The following TBC1D22A variants were observed in gnomAD, a reference collection of about 807,000 sequenced individuals.
TBC1D22A encodes TBC1 domain family member 22A.
A neutral mutation model predicts 60.2 loss-of-function variants in TBC1D22A; 38 were observed. That is an observed-to-expected ratio of 0.63 (90% CI 0.49 to 0.83). The LOEUF (loss-of-function observed/expected upper bound fraction) is 0.83, where lower values mean the gene tolerates loss of function less well. Among genes scored for constraint, TBC1D22A ranks in the 40% least tolerant of loss-of-function variants. TBC1D22A has a pLI of 0.00. For synonymous variants in TBC1D22A, 302 were observed against 281.7 expected (o/e 1.07, Z -0.72); for missense variants, 628 against 701.0 (o/e 0.90, Z 1.18).
At chr22:47,097,528 T>C (rs1335029310) in intron 11 of TBC1D22A, among the ~76,000 whole-genome samples, 1 of 151,998 alleles carries the variant, frequency 6.6e-6, no homozygotes, top group Non-Finnish European at 1.5e-5. Flanking sequence ...ACAGAATTGC[T>C]TGAACTTGGG....
At chr22:47,008,248 G>A (rs948650866) in intron 10 of TBC1D22A, among the ~76,000 whole-genome samples, 2 of 152,226 alleles carry the variant, frequency 1.3e-5, no homozygotes, top group African/African-American at 4.8e-5. Flanking sequence ...TGTTTGTTAT[G>A]TTTGTTCTGT....
chr22:46,954,820 C>T (rs1290810033), intron 8 of TBC1D22A, among the ~76,000 whole-genome samples: 1 of 152,106 alleles, frequency 6.6e-6, no homozygotes, highest in Non-Finnish European at 1.5e-5. Context: ...CAAAATGTTA[C>T]AGGCAAGTGA....
At chr22:46,782,779 C>T (rs182503375) in intron 1 of TBC1D22A, among the ~76,000 whole-genome samples, 20 of 152,302 alleles carry the variant, frequency 1.3e-4, no homozygotes, top group Admixed American at 8.5e-4. Flanking sequence ...TCAGGATTCA[C>T]CCATGCTGTG....
intron 11 of TBC1D22A, among the ~76,000 whole-genome samples, chr22:47,080,976 TGGGCGTGATG>T (rs2064441101): frequency 6.6e-6 from 1 of 151,870 alleles, no homozygotes. Context: ...CAATATTAGC[TGGGCGTGATG>T]GCGCATGCCT....
At chr22:46,947,856 G>A (rs1001166697) in intron 8 of TBC1D22A, among the ~76,000 whole-genome samples, 2 of 152,186 alleles carry the variant, frequency 1.3e-5, no homozygotes, top group Non-Finnish European at 2.9e-5. Flanking sequence ...GGATTCTGTG[G>A]CCACCTTTCC....
intron 9 of TBC1D22A, 46 bp from the exon 10 acceptor site, chr22:46,997,588 G>T: frequency 1.3e-6 from 2 of 1,523,304 alleles, no homozygotes; most frequent in Non-Finnish European, 1.8e-6. Context: ...TGGAAAGTTT[G>T]TTTTATTTTA....
chr22:46,829,718 A>G (rs1231302356), intron 4 of TBC1D22A, among the ~76,000 whole-genome samples: 1 of 152,196 alleles, frequency 6.6e-6, no homozygotes, highest in Non-Finnish European at 1.5e-5. Context: ...CGGCGTTTCT[A>G]TGCCTCCAAA....
chr22:47,001,857 G>A (rs2061420660), intron 10 of TBC1D22A, among the ~76,000 whole-genome samples: 1 of 152,248 alleles, frequency 6.6e-6, no homozygotes, highest in South Asian at 2.1e-4. Flanking sequence ...AGTTTATTTT[G>A]TTTTATGTTA....
At chr22:47,159,546 TACTC>T (rs890993375) in intron 12 of TBC1D22A, among the ~76,000 whole-genome samples, 9 of 149,808 alleles carry the variant, frequency 6.0e-5, no homozygotes, top group African/African-American at 2.2e-4. Context: ...ACACGATGTA[TACTC>T]ACATTACACA....
chr22:47,074,054 G>C (rs1281547127), intron 11 of TBC1D22A, among the ~76,000 whole-genome samples: 3 of 152,154 alleles, frequency 2.0e-5, no homozygotes, highest in Non-Finnish European at 2.9e-5. Context: ...GCTGCAGTGA[G>C]CTATGATCGC....
At chr22:46,958,295 T>A (rs2073317931) in intron 8 of TBC1D22A, among the ~76,000 whole-genome samples, 1 of 152,346 alleles carries the variant, frequency 6.6e-6, no homozygotes, top group East Asian at 1.9e-4. Flanking sequence ...AGGTACAAGC[T>A]GGCTGCCTGT....
At chr22:46,794,091 C>A (rs886998944) in intron 3 of TBC1D22A, among the ~76,000 whole-genome samples, 1 of 152,182 alleles carries the variant, frequency 6.6e-6, no homozygotes, top group Non-Finnish European at 1.5e-5. Flanking sequence ...AGGCTTCTGG[C>A]CTAGCTACGT....
rs2068765347 is a variant in TBC1D22A at position 46,897,770 on chromosome 22, G to A, written c.900+2924G>A. On this transcript the variant is annotated intron_variant, in intron 7 of 12. Transcript: ENST00000337137. ...TTAGATTTATTCTTAGTTATCACAT[G>A]TTTTTCTTGTTATAGTAAATGTTAT... Among the ~76,000 whole-genome samples, 2 of 148,430 alleles carry A rather than the reference G, an allele frequency of 1.3e-5. 1 individual carries two copies. The highest frequency in any genetic ancestry group is 4.3e-4 in the South Asian group (2 of 4,674).
At chr22:46,790,949 G>A (rs1358328844) in intron 1 of TBC1D22A, among the ~76,000 whole-genome samples, 1 of 152,154 alleles carries the variant, frequency 6.6e-6, no homozygotes, top group Non-Finnish European at 1.5e-5. Context: ...TAGAGACAGG[G>A]TCTTACTCTG....
rs2083137965 is a variant in TBC1D22A, at chr22:46,762,650, G to A, written c.-137G>A. The A allele has an allele frequency of 1.5e-6, 1 of 670,532 alleles. No individual in the cohort carries two copies. The highest frequency in any genetic ancestry group is 2.2e-6 in the Non-Finnish European group (1 of 450,434). The allele number at this position is 670,532 out of a possible 1,614,324, so 41.5% of individuals were successfully genotyped here. A position where few individuals can be genotyped will look rare whatever the true frequency, so the allele number is the denominator to read the frequency against. On this transcript the variant is annotated 5_prime_UTR_variant, in exon 1 of 13. Transcript: ENST00000337137. ...GTAGGCACAACTTCCGGAAGGAGGCGGAAGAGCTTCTCGGCTCTAGGCTCT... is the reference window on the plus strand; with the variant it reads ...GTAGGCACAACTTCCGGAAGGAGGCAGAAGAGCTTCTCGGCTCTAGGCTCT...
At chr22:46,935,370 T>G (rs995204478) in intron 8 of TBC1D22A, among the ~76,000 whole-genome samples, 3 of 151,884 alleles carry the variant, frequency 2.0e-5, no homozygotes, top group Admixed American at 2.0e-4. Context: ...AAAAAGTGAG[T>G]CAAAAAAATT....
Position 46,793,832 on chromosome 22 carries a change from T to C in TBC1D22A, c.451T>C (p.Cys151Arg). The C allele has an allele frequency of 1.3e-6, 2 of 1,574,746 alleles. No individual in the cohort carries two copies. The highest frequency in any genetic ancestry group is 1.7e-4 in the Middle Eastern group (1 of 5,968). Residue 151 changes from cysteine to arginine, a missense_variant, in exon 3 of 13, where the codon TGT becomes CGT. By Grantham distance (180) the Cys-to-Arg change is radical. Coordinates refer to ENST00000337137, the MANE Select transcript of TBC1D22A (RefSeq NM_014346.5). ...VKSVSESHTS[C>R]PAESASDAAP... ...GTCGGTCAGTGAGAGCCACACGTCCTGTCCTGCAGGTACGATGGGAGGACT... is the reference window on the plus strand; with the variant it reads ...GTCGGTCAGTGAGAGCCACACGTCCCGTCCTGCAGGTACGATGGGAGGACT...
At chr22:47,017,360 C>G (rs1362651038) in intron 10 of TBC1D22A, among the ~76,000 whole-genome samples, 1 of 152,166 alleles carries the variant, frequency 6.6e-6, no homozygotes, top group Admixed American at 6.5e-5. Context: ...GCTGCGGTCT[C>G]CGGGCTCAGG....
Position 47,072,920 on chromosome 22 carries a change from C to T in TBC1D22A, c.1329+35722C>T, listed in dbSNP as rs565612484. 4.6e-5 allele frequency among the ~76,000 whole-genome samples: 7 copies of T among 152,352 alleles called. No individual in the cohort carries two copies. In the East Asian group the frequency reaches 1.2e-3, roughly 25 times the overall value. On this transcript the variant is annotated intron_variant, in intron 11 of 12. Coordinates refer to ENST00000337137, the MANE Select transcript of TBC1D22A (RefSeq NM_014346.5). ...CCAGCTGCAGACAAGGGAGGGTGAC[C>T]GGCCCCACACTCCTATATGAAGGAT...
Sources: allele counts gnomAD v4.1 joint callset (sites outside exome capture counted in the v4.1 genomes callset), GRCh38; gene constraint gnomAD v4.1.1; transcripts MANE v1.5; gene names NCBI Gene and HGNC (gene_info 2026-07-23, HGNC 2026-07-21).